Variants in ARL8B observed in about 807,000 individuals in gnomAD.
The protein encoded by ARL8B is ARF like GTPase 8B.
ARL8B carries 9 observed loss-of-function variants against 30.6 expected under a neutral mutation model. The observed-to-expected ratio is 0.29, with a 90% CI of 0.18 to 0.51. The LOEUF is 0.51. ARL8B is among the 20% of genes least tolerant of loss of function. ARL8B has a pLI of 0.97. For missense variants in ARL8B, 130 were observed against 227.2 expected (o/e 0.57, Z 2.75); for synonymous variants, 74 against 76.0 (o/e 0.97, Z 0.14).
At chr3:5,162,010 G>A (rs1214944407) in intron 1 of ARL8B, among the ~76,000 whole-genome samples, 1 of 152,158 alleles carries the variant, frequency 6.6e-6, no homozygotes, top group East Asian at 1.9e-4. Context: ...AAGACCGCAG[G>A]AAAAAGTGAA....
chr3:5,158,581 C>T (rs181385203), intron 1 of ARL8B, among the ~76,000 whole-genome samples: 12 of 152,288 alleles, frequency 7.9e-5, no homozygotes, highest in East Asian at 7.7e-4. Context: ...CAAGAGGTAA[C>T]GTCAGAGTTG....
intron 1 of ARL8B, among the ~76,000 whole-genome samples, chr3:5,165,892 A>G (rs1575572604): frequency 6.6e-6 from 1 of 152,202 alleles, no homozygotes; most frequent in Non-Finnish European, 1.5e-5. Flanking sequence ...AAAGCACTAG[A>G]ACATATGAAG....
At chr3:5,173,328 T>G (rs1383388609) in intron 4 of ARL8B, among the ~76,000 whole-genome samples, 3 of 152,224 alleles carry the variant, frequency 2.0e-5, no homozygotes, top group African/African-American at 7.2e-5. Context: ...AATTTGCATT[T>G]GGATTAGGAA....
intron 1 of ARL8B, among the ~76,000 whole-genome samples, chr3:5,127,698 C>G (rs981733143): frequency 6.6e-6 from 1 of 151,662 alleles, no homozygotes; most frequent in Non-Finnish European, 1.5e-5. Flanking sequence ...GCGGTGAAAC[C>G]CCGTCTCTAC....
intron 1 of ARL8B, among the ~76,000 whole-genome samples, chr3:5,157,457 T>C (rs1319722581): frequency 6.6e-6 from 1 of 151,630 alleles, no homozygotes; most frequent in Non-Finnish European, 1.5e-5. Flanking sequence ...GGCCACAAGG[T>C]AGGAGAAGGA....
rs772026456 is a variant in ARL8B at position 5,178,796 on chromosome 3, G to A, written c.*83G>A. The A allele has an allele frequency of 1.9e-6, 3 of 1,600,282 alleles. No homozygotes were observed. Among genetic ancestry groups the A allele is most frequent in the African/African-American group, 1.3e-5 (1 of 74,620 alleles). On this transcript the variant is annotated 3_prime_UTR_variant, in exon 7 of 7. Transcript: ENST00000256496. ...TCCTCTGAAGTAATTCCCAGAATAC[G>A]GTCCTTCCTAAACCCCAGAAATTGC... is the stretch of plus-strand genomic sequence containing the variant.
At chr3:5,125,657 C>G (rs1034364139) in intron 1 of ARL8B, among the ~76,000 whole-genome samples, 1 of 151,962 alleles carries the variant, frequency 6.6e-6, no homozygotes, top group Non-Finnish European at 1.5e-5. Context: ...CTCAGCCTCC[C>G]GAGTAGCTGG....
intron 1 of ARL8B, among the ~76,000 whole-genome samples, chr3:5,127,457 C>G (rs1465598353): frequency 6.6e-6 from 1 of 152,142 alleles, no homozygotes; most frequent in Non-Finnish European, 1.5e-5. Context: ...CTGTGTGTCT[C>G]TCTAGAGAGA....
chr3:5,138,369 A>G (rs1203789079), intron 1 of ARL8B, among the ~76,000 whole-genome samples: 1 of 152,166 alleles, frequency 6.6e-6, no homozygotes, highest in Non-Finnish European at 1.5e-5. Flanking sequence ...GAGGCATTAC[A>G]CTAAAGTGGA....
intron 1 of ARL8B, among the ~76,000 whole-genome samples, chr3:5,160,731 A>G (rs1338603942): frequency 2.0e-5 from 3 of 152,160 alleles, no homozygotes; most frequent in Admixed American, 6.5e-5. Context: ...AATAAAAACA[A>G]TTAATTTTCT....
chr3:5,155,188 C>A (rs115213169), intron 1 of ARL8B, among the ~76,000 whole-genome samples: 1 of 152,144 alleles, frequency 6.6e-6, no homozygotes, highest in Admixed American at 6.5e-5. Context: ...ATAGGATTCT[C>A]GGTTAACAGT....
At chr3:5,136,787 A>G (rs549469909) in intron 1 of ARL8B, among the ~76,000 whole-genome samples, 33 of 152,192 alleles carry the variant, frequency 2.2e-4, no homozygotes, top group Admixed American at 4.6e-4. Flanking sequence ...CAAGATACCA[A>G]TTGATTTTCT....
intron 1 of ARL8B, among the ~76,000 whole-genome samples, chr3:5,163,922 TGTA>T (rs1387721460): frequency 2.0e-5 from 3 of 152,240 alleles, no homozygotes; most frequent in East Asian, 3.9e-4. Flanking sequence ...TTGAATATCA[TGTA>T]TGTGTTTGCA....
At chr3:5,165,836 A>T (rs896687915) in intron 1 of ARL8B, among the ~76,000 whole-genome samples, 1 of 152,204 alleles carries the variant, frequency 6.6e-6, no homozygotes, top group East Asian at 1.9e-4. Flanking sequence ...ATTTAAAAGA[A>T]CAATTGTGAA....
chr3:5,158,231 A>C (rs1399247637), intron 1 of ARL8B, among the ~76,000 whole-genome samples: 3 of 151,962 alleles, frequency 2.0e-5, no homozygotes, highest in Non-Finnish European at 2.9e-5. Flanking sequence ...TAATCTTCCC[A>C]CCTTGGCCTC....
chr3:5,170,730 GTTTT>G (rs905393318), intron 2 of ARL8B, 147 bp downstream of exon 2: 1 of 547,516 alleles, frequency 1.8e-6, no homozygotes, highest in East Asian at 3.3e-5. Flanking sequence ...TTTTGTTGTT[GTTTT>G]TTTGTTTTTT....
chr3:5,165,794 T>G (rs2106568500), intron 1 of ARL8B, among the ~76,000 whole-genome samples: 1 of 152,322 alleles, frequency 6.6e-6, no homozygotes, highest in East Asian at 1.9e-4. Flanking sequence ...TTTCCCATGC[T>G]GTTGTTAATA....
chr3:5,138,054 A>T (rs2054343044), intron 1 of ARL8B, among the ~76,000 whole-genome samples: 1 of 150,808 alleles, frequency 6.6e-6, no homozygotes, highest in Admixed American at 6.6e-5. Context: ...CGGTGCCATA[A>T]CCCATCCTAG....
At chr3:5,129,221 C>T (rs11915596) in intron 1 of ARL8B, among the ~76,000 whole-genome samples, 54,593 of 151,854 alleles carry the variant, frequency 0.36, 10,714 homozygotes, top group African/African-American at 0.55. Flanking sequence ...GTTGCCCAGG[C>T]TGGAGTGCAG....
Sources: allele counts gnomAD v4.1 joint callset (sites outside exome capture counted in the v4.1 genomes callset), GRCh38; gene constraint gnomAD v4.1.1; transcripts MANE v1.5; gene names NCBI Gene and HGNC (gene_info 2026-07-23, HGNC 2026-07-21).